SARDH: variants seen among roughly 807,000 people sequenced by gnomAD.
The protein encoded by SARDH is sarcosine dehydrogenase, also known as sarcosine dehydrogenase, mitochondrial.
Under a neutral mutation model 109.1 loss-of-function variants are expected in SARDH, and 95 were observed. The ratio of observed to expected loss-of-function variants is 0.87; its 90% CI spans 0.74 to 1.03. The LOEUF (loss-of-function observed/expected upper bound fraction) is 1.03, where lower values mean the gene tolerates loss of function less well. Among genes scored for constraint, SARDH ranks in the 50% least tolerant of loss-of-function variants. The pLI, the probability that SARDH is intolerant of heterozygous loss-of-function variation, is 0.00. For synonymous variants in SARDH, 572 were observed against 534.8 expected, an observed-to-expected ratio of 1.07 and a Z score of -0.96; for missense variants, 1,267 against 1,287.8, an observed-to-expected ratio of 0.98 and a Z score of 0.25.
chr9:133,716,280 G>A (rs527274851), intron 8 of SARDH, among the ~76,000 whole-genome samples: 5 of 152,348 alleles, frequency 3.3e-5, no homozygotes, highest in Admixed American at 1.3e-4. Context: ...GGCCCTGAGC[G>A]TGCCTGCCTC....
At chr9:133,668,298 C>CT (rs1830149267) in intron 19 of SARDH, among the ~76,000 whole-genome samples, 1 of 131,894 alleles carries the variant, frequency 7.6e-6, no homozygotes, top group Non-Finnish European at 1.6e-5. Context: ...CCTCTCCCTC[C>CT]CTCTCCCTCC....
chr9:133,668,331 CT>C (rs1564227274), intron 19 of SARDH, among the ~76,000 whole-genome samples: 20 of 125,404 alleles, frequency 1.6e-4, no homozygotes, highest in Non-Finnish European at 2.2e-4. Context: ...CTCCCTCTCC[CT>C]CTCCCTCATT....
chr9:133,678,082 G>C (rs1019075038), intron 17 of SARDH, among the ~76,000 whole-genome samples: 3 of 152,202 alleles, frequency 2.0e-5, no homozygotes, highest in African/African-American at 7.2e-5. Flanking sequence ...TGGTCCCCAA[G>C]GATGAGAGGA....
intron 8 of SARDH, among the ~76,000 whole-genome samples, chr9:133,716,518 C>A (rs2427980): frequency 0.92 from 139,324 of 151,766 alleles, 64,021 homozygotes; most frequent in Admixed American, 0.96. Context: ...AGCCCCACAC[C>A]CGCCCCCTGG....
intron 6 of SARDH, among the ~76,000 whole-genome samples, chr9:133,727,674 C>CCT (rs1832538747): frequency 6.6e-6 from 1 of 152,218 alleles, no homozygotes; most frequent in Admixed American, 6.5e-5. Flanking sequence ...CCACTTTTCT[C>CCT]CTACCAGGTC....
At position 133,692,586 on chromosome 9, in the gene SARDH, TA is replaced by T. The variant is rs1831138588; in HGVS notation, c.1921+1671del. Among the ~76,000 whole-genome samples the T allele has an allele frequency of 1.3e-5, 2 of 152,080 alleles. No homozygotes were observed. Among genetic ancestry groups the T allele is most frequent in the African/African-American group, 4.8e-5 (2 of 41,388 alleles). ...CTCGGCGGCTTCACATGGCCTTCCCTAACACCTCGCTCTTTCCCATCCCCTT... is the reference window on the plus strand; with the variant it reads ...CTCGGCGGCTTCACATGGCCTTCCCTACACCTCGCTCTTTCCCATCCCCTT... On this transcript the variant is annotated intron_variant, in intron 15 of 20. Coordinates refer to ENST00000439388, the MANE Select transcript of SARDH (RefSeq NM_001134707.2). This position sits in a 1 kb window ranked among gnomAD's most constrained non-coding sequence, Gnocchi z 5.0.
chr9:133,729,553 C>A (rs1183913737), intron 6 of SARDH, among the ~76,000 whole-genome samples: 1 of 152,166 alleles, frequency 6.6e-6, no homozygotes, highest in Non-Finnish European at 1.5e-5. Flanking sequence ...GGGGGTCAGC[C>A]CCAACAGGGA....
At chr9:133,696,564 GA>G (rs1195619321) in intron 13 of SARDH, among the ~76,000 whole-genome samples, 3 of 152,142 alleles carry the variant, frequency 2.0e-5, no homozygotes, top group Admixed American at 6.6e-5. Flanking sequence ...CCCCAGGATA[GA>G]TAATATGCTA....
intron 1 of SARDH, among the ~76,000 whole-genome samples, chr9:133,736,414 G>A (rs1832889388): frequency 7.9e-6 from 1 of 127,128 alleles, no homozygotes; most frequent in Non-Finnish European, 1.7e-5. Context: ...TGTTTGTTTT[G>A]AGAAAGAGTC....
intron 12 of SARDH, 163 bp from the exon 13 acceptor site, chr9:133,703,192 C>G (rs903025427): frequency 6.4e-6 from 4 of 628,838 alleles, no homozygotes; most frequent in African/African-American, 5.4e-5. Flanking sequence ...CAGGGGGCCC[C>G]CATGAGGTCC....
intron 11 of SARDH, among the ~76,000 whole-genome samples, chr9:133,707,609 T>TC (rs1267252009): frequency 6.6e-6 from 1 of 152,058 alleles, no homozygotes; most frequent in Non-Finnish European, 1.5e-5. Context: ...ATCCATCTGT[T>TC]CAACAAACAT....
Position 133,709,305 on chromosome 9 carries a change from C to T in SARDH, c.1329-877G>A, listed in dbSNP as rs532458977. Among the ~76,000 whole-genome samples the T allele has an allele frequency of 7.2e-5, 11 of 152,284 alleles. No homozygotes were observed. In the East Asian group the frequency reaches 1.7e-3, roughly 24 times the overall value. On this transcript the variant is annotated intron_variant, in intron 10 of 20. Coordinates refer to ENST00000439388, the MANE Select transcript of SARDH (RefSeq NM_001134707.2). This position sits in a 1 kb window ranked among gnomAD's most constrained non-coding sequence, Gnocchi z 4.2. ...AGTGGGCAGAGCAATCAGTGCCCCG[C>T]GGCTTGTTCCCTGGTCTCCTCAGAC...
rs1003059572 is a variant in SARDH at position 133,709,884 on chromosome 9, G to A, written c.1329-1456C>T. On this transcript the variant is annotated intron_variant, in intron 10 of 20. Coordinates refer to ENST00000439388, the MANE Select transcript of SARDH (RefSeq NM_001134707.2). This position sits in a 1 kb window ranked among gnomAD's most constrained non-coding sequence, Gnocchi z 4.2. ...CACGGCAAAGGCAGCCCACACCTGC[G>A]CCAGGCTATGCTGACCAGGAGCTGA... 2.0e-5 allele frequency among the ~76,000 whole-genome samples: 3 copies of A among 152,064 alleles called. No homozygotes were observed. Among genetic ancestry groups the A allele is most frequent in the Admixed American group, 1.3e-4 (2 of 15,256 alleles).
chr9:133,701,639 C>A (rs913874594), intron 13 of SARDH, among the ~76,000 whole-genome samples: 1 of 152,176 alleles, frequency 6.6e-6, no homozygotes, highest in Non-Finnish European at 1.5e-5. Flanking sequence ...GCTGTGGGTG[C>A]GGAGGTGCCA....
At chr9:133,685,825 C>T (rs1157739872) in intron 16 of SARDH, among the ~76,000 whole-genome samples, 1 of 152,180 alleles carries the variant, frequency 6.6e-6, no homozygotes, top group Admixed American at 6.5e-5. Flanking sequence ...GAGCAGATTC[C>T]GGCCTCCTCC....
rs540420023 is a variant in SARDH, at chr9:133,721,706, G to A, written c.916-2664C>T. ...AAAATAGTATCAATAGTATCAATAT[G>A]TTTGACAGATCCCTTGACACAACTG... On this transcript the variant is annotated intron_variant, in intron 6 of 20. Coordinates refer to ENST00000439388, the MANE Select transcript of SARDH (RefSeq NM_001134707.2). 1.3e-3 allele frequency among the ~76,000 whole-genome samples: 196 copies of A among 152,314 alleles called. 1 individual carries two copies. The highest frequency in any genetic ancestry group is 2.3e-3 in the Non-Finnish European group (154 of 68,012).
intron 18 of SARDH, among the ~76,000 whole-genome samples, chr9:133,670,997 G>A (rs991278642): frequency 6.6e-5 from 10 of 152,166 alleles, no homozygotes; most frequent in Admixed American, 2.6e-4. Flanking sequence ...GGGCGTCAGG[G>A]AGGGGCTTGT....
intron 13 of SARDH, among the ~76,000 whole-genome samples, chr9:133,696,562 T>C (rs966829368): frequency 1.3e-5 from 2 of 152,132 alleles, no homozygotes; most frequent in Non-Finnish European, 2.9e-5. Context: ...CTCCCCAGGA[T>C]AGATAATATG....
intron 16 of SARDH, among the ~76,000 whole-genome samples, chr9:133,688,258 C>T (rs1830957852): frequency 6.6e-6 from 1 of 152,296 alleles, no homozygotes; most frequent in Admixed American, 6.5e-5. Flanking sequence ...TCCACCGCAT[C>T]CCAGTCCCTT....
Sources: gnomAD v4.1 joint callset for allele counts (sites outside exome capture counted in the v4.1 genomes callset) on GRCh38, gnomAD v4.1.1 for gene constraint, Gnocchi (gnomAD v3.1) non-coding constraint, MANE v1.5 for transcripts, NCBI Gene and HGNC (gene_info 2026-07-23, HGNC 2026-07-21) for gene names.